Variants in PLIN4 observed in about 807,000 individuals in gnomAD.
The protein encoded by PLIN4 is perilipin 4, also known as perilipin-4.
A neutral mutation model predicts 52.4 loss-of-function variants in PLIN4; 57 were observed. The ratio of observed to expected loss-of-function variants is 1.09; its 90% CI spans 0.88 to 1.36. The LOEUF (loss-of-function observed/expected upper bound fraction) is 1.36. Among genes scored for constraint, PLIN4 ranks in the 40% most tolerant of loss-of-function variants. The probability of loss-of-function intolerance (pLI) is 0.00; values close to 1 mark genes in which losing one functional copy is unlikely to be tolerated. For synonymous variants in PLIN4, 826 were observed against 785.4 expected, an observed-to-expected ratio of 1.05 and a Z score of -0.86; for missense variants, 1,757 against 1,770.3, an observed-to-expected ratio of 0.99 and a Z score of 0.13.
rs1448223229 is a variant in PLIN4, at chr19:4,511,090, AG to A, written c.2869del (p.Leu957Ter). On this transcript the variant is annotated frameshift_variant, in exon 5 of 8. Coordinates refer to ENST00000301286, the MANE Select transcript of PLIN4 (RefSeq NM_001367868.2). LOFTEE classifies it high-confidence loss of function. ...QTGVDTAKTV[L>X]SGAKDAVTTG... ...AGTCACTGCATCCTTAGCGCCACTC[AG>A]CACCGTCTTGGCTGTGTCCACACCT... is the stretch of plus-strand genomic sequence containing the variant. The A allele has an allele frequency of 6.2e-7, 1 of 1,613,570 alleles. No individual in the cohort carries two copies. Among genetic ancestry groups the A allele is most frequent in the South Asian group, 1.1e-5 (1 of 91,080 alleles).
Position 4,511,217 on chromosome 19 carries a change from T to C in PLIN4, c.2743A>G (p.Thr915Ala), listed in dbSNP as rs774951226. 4.3e-6 allele frequency: 7 copies of C among 1,612,404 alleles called. No individual in the cohort carries two copies. Among genetic ancestry groups the C allele is most frequent in the Non-Finnish European group, 5.1e-6 (6 of 1,178,974 alleles). ...AVNLAKGTVQ[T>A]GVDTSKTVLT... Reference sequence around the variant, plus strand: ...ACAGTCTTGCTGGTGTCCACGCCGGTCTGGACAGTCCCTTTGGCCAAGTTC... The same window carrying C: ...ACAGTCTTGCTGGTGTCCACGCCGGCCTGGACAGTCCCTTTGGCCAAGTTC... The change falls in exon 5 of 8, where the codon ACC (threonine) becomes GCC (alanine). Residue 915 changes from threonine (T) to alanine (A), a missense_variant. This residue lies in a region of PLIN4 where 712 missense variants were observed against 637.1 expected (regional missense o/e 1.12). Coordinates refer to ENST00000301286, the MANE Select transcript of PLIN4 (RefSeq NM_001367868.2).
rs1976273449 is a variant in PLIN4 at position 4,510,707 on chromosome 19, G to C, written c.3253C>G (p.Gln1085Glu). The C allele has an allele frequency of 4.6e-6, 7 of 1,527,868 alleles. No individual in the cohort carries two copies. In the East Asian group the frequency reaches 1.6e-4, roughly 35 times the overall value. The allele number at this position is 1,527,868 out of a possible 1,614,324, so 94.6% of individuals were successfully genotyped here. A position where few individuals can be genotyped will look rare whatever the true frequency, so the allele number is the denominator to read the frequency against. ...GAGATGCCAGAGAACGGGGCCTCTT[G>C]GGGGCTCAGGGCAGTCTGCTCCCCA... is the stretch of plus-strand genomic sequence containing the variant. ...NGGEQTALSP[Q>E]EAPFSGISTP... Residue 1085 changes from glutamine (Q) to glutamate (E), a missense_variant, in exon 5 of 8, where the codon CAA becomes GAA. Gln to Glu is a conservative substitution (Grantham distance 29). Coordinates refer to ENST00000301286, the MANE Select transcript of PLIN4 (RefSeq NM_001367868.2).
In PLIN4 at chr19:4,513,620, C is replaced by T. The variant is rs1309570333; in HGVS notation, c.340G>A (p.Val114Met). Reference protein sequence around the residue: ...DAVSSGVASVVDVAKGVVQGG... With the variant: ...DAVSSGVASVMDVAKGVVQGG... ...TGGACCACTCCCTTAGCCACGTCCA[C>T]CACGCTGGCCACCCCGGAGGACACG... Residue 114 changes from valine to methionine, a missense_variant, in exon 5 of 8, where the codon GTG (valine) becomes ATG (methionine). Physicochemically the swap from Val to Met is conservative, Grantham distance 21 (BLOSUM62 1). Coordinates refer to ENST00000301286, the MANE Select transcript of PLIN4 (RefSeq NM_001367868.2). 5 of 1,609,106 alleles carry T rather than the reference C, an allele frequency of 3.1e-6. No individual in the cohort carries two copies. The highest frequency in any genetic ancestry group is 4.2e-6 in the Non-Finnish European group (5 of 1,178,004).
chr19:4,512,304 C>A lies in PLIN4; in HGVS notation c.1656G>T (p.Gly552=). 6.3e-7 allele frequency: 1 copy of A among 1,589,654 alleles called. No homozygotes were observed. Among genetic ancestry groups the A allele is most frequent in the Non-Finnish European group, 8.5e-7 (1 of 1,171,454 alleles). The change falls in exon 5 of 8, where the codon GGG becomes GGT. Residue 552 remains glycine (G), a synonymous_variant. Coordinates refer to ENST00000301286, the MANE Select transcript of PLIN4 (RefSeq NM_001367868.2). Reference sequence around the variant, plus strand: ...CCACAGACTTGGTGGTGTCCAGGCCCCCCTGGACGGCCCCTTTGGCCACGT... The same window carrying A: ...CCACAGACTTGGTGGTGTCCAGGCCACCCTGGACGGCCCCTTTGGCCACGT... ...AVNVAKGAVQ[G]GLDTTKSVVI... is the part of the protein sequence containing the mutation.
chr19:4,514,963 G>A (rs1387358998), intron 4 of PLIN4, among the ~76,000 whole-genome samples: 3 of 151,036 alleles, frequency 2.0e-5, no homozygotes, highest in African/African-American at 7.3e-5. Context: ...ATCACCTGAG[G>A]TCAAGAGTTC....
Position 4,513,160 on chromosome 19 carries a change from G to T in PLIN4, c.800C>A (p.Thr267Asn). The stretch of plus-strand genomic sequence containing the variant: ...CACCCCACTACAGACGGTGTCCTTG[G>T]TACCTGTTAGGACAGTCTTACTGGT... The part of the protein sequence containing the change: ...VDTSKTVLTG[T>N]KDTVCSGVTG... Residue 267 changes from threonine (T) to asparagine (N), a missense_variant, in exon 5 of 8, where the codon ACC (threonine) becomes AAC (asparagine). Physicochemically the swap from Thr to Asn is moderately conservative, Grantham distance 65. Coordinates refer to ENST00000301286, the MANE Select transcript of PLIN4 (RefSeq NM_001367868.2). 2 of 1,612,090 alleles carry T rather than the reference G, an allele frequency of 1.2e-6. No individual in the cohort carries two copies. Among genetic ancestry groups the T allele is most frequent in the Non-Finnish European group, 1.7e-6 (2 of 1,179,150 alleles).
chr19:4,510,914 G>A lies in PLIN4; in HGVS notation c.3046C>T (p.Leu1016=). 1 of 1,613,492 alleles carries A rather than the reference G, an allele frequency of 6.2e-7. No individual in the cohort carries two copies. The highest frequency in any genetic ancestry group is 1.7e-5 in the Admixed American group (1 of 60,016). ...SMAKGAVQGG[L]DTTKTVLTGT... is the part of the protein sequence containing the mutation. ...GTCAGCACTGTCTTGGTGGTGTCCAGGCCCCCCTGGACGGCCCCTTTGGCC... is the reference window on the plus strand; with the variant it reads ...GTCAGCACTGTCTTGGTGGTGTCCAAGCCCCCCTGGACGGCCCCTTTGGCC... The change falls in exon 5 of 8, where the codon CTG becomes TTG. Residue 1016 remains leucine, a synonymous_variant. Coordinates refer to ENST00000301286, the MANE Select transcript of PLIN4 (RefSeq NM_001367868.2).
At position 4,512,163 on chromosome 19, in the gene PLIN4, G is replaced by C. The variant is rs571897435; in HGVS notation, c.1797C>G (p.Asp599Glu). 1.2e-6 allele frequency: 2 copies of C among 1,609,620 alleles called. No individual in the cohort carries two copies. Among genetic ancestry groups the C allele is most frequent in the African/African-American group, 2.7e-5 (2 of 72,980 alleles). The change falls in exon 5 of 8, where the codon GAC becomes GAG. Residue 599 changes from aspartate (D) to glutamate (E), a missense_variant. Around this residue, in one of 7 missense-constraint regions of PLIN4, gnomAD observed 439 missense variants for 406.4 expected, o/e 1.08. Transcript: ENST00000301286. ...TAKTVLTGTK[D>E]TVTTGLVGAV... ...CCCCCACGAGCCCAGTAGTCACTGT[G>C]TCCTTGGTGCCGGTCAGCACGGTCT...
In PLIN4 at chr19:4,516,752, A is replaced by G. The variant is rs1208196921; in HGVS notation, c.197-74T>C. The G allele has an allele frequency of 1.1e-5, 15 of 1,368,722 alleles. No individual in the cohort carries two copies. In the South Asian group the frequency reaches 1.9e-4, roughly 17 times the overall value. 84.8% of individuals were successfully genotyped at this position (1,368,722 alleles called of 1,614,324 possible). ...CATCTACCCGGCTGCCCATTGCACA[A>G]TAGCCAGGCACAGCCTAAAAGGTCA... On this transcript the variant is annotated intron_variant, in intron 3 of 7. Transcript: ENST00000301286.
chr19:4,510,341 G>C, intron 5 of PLIN4, 105 bp downstream of exon 5: 1 of 1,209,448 alleles, frequency 8.3e-7, no homozygotes, highest in East Asian at 3.1e-5. Context: ...ACTCCAGCCT[G>C]GGCAACAGAG....
chr19:4,504,005 T>G lies in PLIN4; in HGVS notation c.*454A>C, dbSNP rs1439519070. ...CATGAGAACGGAGCTGCCCGGAGCC[T>G]GGGATGCCACAGCACTGCCTGCACC... On this transcript the variant is annotated 3_prime_UTR_variant, in exon 8 of 8. Transcript: ENST00000301286. 1.9e-5 allele frequency: 3 copies of G among 157,642 alleles called. No homozygotes were observed. The highest frequency in any genetic ancestry group is 3.7e-4 in the East Asian group (2 of 5,376). The allele number at this position is 157,642 out of a possible 1,614,324, so 9.8% of individuals were successfully genotyped here. A position where few individuals can be genotyped will look rare whatever the true frequency, so the allele number is the denominator to read the frequency against.
Position 4,510,627 on chromosome 19 carries a change from GGCTGCGGCTT to G in PLIN4, c.3323_3332del (p.Glu1108AlafsTer56). On this transcript the variant is annotated frameshift_variant, in exon 5 of 8. Transcript: ENST00000301286. LOFTEE classifies it high-confidence loss of function. ...CGTCAGTCGCAAGGCCCTTGGTAGT[GGCTGCGGCTT>G]CCCAGGCAGGCTCCGGGCCTACACT... 1 of 1,507,880 alleles carries G rather than the reference GGCTGCGGCTT, an allele frequency of 6.6e-7. No homozygotes were observed. Among genetic ancestry groups the G allele is most frequent in the Non-Finnish European group, 8.9e-7 (1 of 1,129,326 alleles). 93.4% of individuals were successfully genotyped at this position (1,507,880 alleles called of 1,614,324 possible).
intron 6 of PLIN4, among the ~76,000 whole-genome samples, chr19:4,506,246 G>T (rs1431996503): frequency 6.6e-6 from 1 of 152,092 alleles, no homozygotes; most frequent in South Asian, 2.1e-4. Context: ...CTCCTCACTC[G>T]GCTCCAGCCT....
Position 4,514,644 on chromosome 19 carries a change from A to G in PLIN4, c.259-943T>C, listed in dbSNP as rs567266668. On this transcript the variant is annotated intron_variant, in intron 4 of 7. Coordinates refer to ENST00000301286, the MANE Select transcript of PLIN4 (RefSeq NM_001367868.2). ...CGGGAGGCTGAGGCAGGAGAATGGC[A>G]TGAACCCGGGAAGGCGGAGCTTGCA... Among the ~76,000 whole-genome samples, 849 of 150,306 alleles carry G rather than the reference A, an allele frequency of 5.6e-3. 4 individuals are homozygous for G. The highest frequency in any genetic ancestry group is 0.027 in the Middle Eastern group (8 of 292).
intron 5 of PLIN4, among the ~76,000 whole-genome samples, chr19:4,509,387 C>G (rs182393929): frequency 6.7e-6 from 1 of 148,878 alleles, no homozygotes; most frequent in East Asian, 2.0e-4. Context: ...GAGGCCAAGG[C>G]GGGTGGATCA....
At chr19:4,518,349 A>C (rs577586755) in intron 1 of PLIN4, 36 bp downstream of exon 1, 152 of 1,231,230 alleles carry the variant, frequency 1.2e-4, no homozygotes, top group Middle Eastern at 3.1e-4. Flanking sequence ...TCCCACACCC[A>C]CTCCCCACTG....
Position 4,511,044 on chromosome 19 carries a change from C to G in PLIN4, c.2916G>C (p.Val972=). 1 of 1,613,488 alleles carries G rather than the reference C, an allele frequency of 6.2e-7. No individual in the cohort carries two copies. The highest frequency in any genetic ancestry group is 8.5e-7 in the Non-Finnish European group (1 of 1,179,886). The change falls in exon 5 of 8, where the codon GTG becomes GTC. Residue 972 remains valine (V), a synonymous_variant. Transcript: ENST00000301286. The part of the protein sequence containing the change: ...DAVTTGVTGA[V]NVAKGTVQTG... ...TCTGCACGGTTCCTTTGGCCACATT[C>G]ACTGCCCCCGTGACTCCAGTAGTCA... is the stretch of plus-strand genomic sequence containing the variant.
Position 4,512,246 on chromosome 19 carries a change from G to T in PLIN4, c.1714C>A (p.Leu572Ile). 6.2e-7 allele frequency: 1 copy of T among 1,610,588 alleles called. No homozygotes were observed. Among genetic ancestry groups the T allele is most frequent in the South Asian group, 1.1e-5 (1 of 90,926 alleles). ...TTGGCCACATTCGCTGCCCCCGTGA[G>T]CCCAGTGGACATCGTGTCTTTTGTA... ...IGTKDTMSTG[L>I]TGAANVAKGA... is the part of the protein sequence containing the mutation. Residue 572 changes from leucine (L) to isoleucine (I), a missense_variant, in exon 5 of 8, where the codon CTC becomes ATC. Physicochemically the swap from Leu to Ile is conservative, Grantham distance 5. Coordinates refer to ENST00000301286, the MANE Select transcript of PLIN4 (RefSeq NM_001367868.2).
At chr19:4,516,980 AGCCCCTTGCCCAGCCC>A (rs1022635790) in intron 3 of PLIN4, among the ~76,000 whole-genome samples, 1 of 152,166 alleles carries the variant, frequency 6.6e-6, no homozygotes, top group Non-Finnish European at 1.5e-5. Flanking sequence ...ATGGGGGAAC[AGCCCCTTGCCCAGCCC>A]GCCCCGCCCC....
Sources: allele counts gnomAD v4.1 joint callset (sites outside exome capture counted in the v4.1 genomes callset), GRCh38; gene constraint gnomAD v4.1.1; regional missense constraint gnomAD v4.1.1; transcripts MANE v1.5; gene names NCBI Gene and HGNC (gene_info 2026-07-23, HGNC 2026-07-21).